Variants in CSMD3 observed in about 807,000 individuals in gnomAD.
CSMD3 encodes CUB and sushi domain-containing protein 3.
In CSMD3, 177 loss-of-function variants were observed where a neutral mutation model predicts 435.2. The ratio of observed to expected loss-of-function variants is 0.41; its 90% CI spans 0.36 to 0.46. The LOEUF (loss-of-function observed/expected upper bound fraction) is 0.46. CSMD3 is among the 20% of genes least tolerant of loss of function. The probability of loss-of-function intolerance (pLI) is 0.34; values close to 1 mark genes in which losing one functional copy is unlikely to be tolerated. For missense variants in CSMD3, 4,265 were observed against 4,504.6 expected, an observed-to-expected ratio of 0.95 and a Z score of 1.52; for synonymous variants, 1,656 against 1,520.5, an observed-to-expected ratio of 1.09 and a Z score of -2.07.
chr8:113,065,362 G>C (rs2088806862), intron 5 of CSMD3, among the ~76,000 whole-genome samples: 1 of 152,018 alleles, frequency 6.6e-6, no homozygotes, highest in Non-Finnish European at 1.5e-5. Context: ...GCAAGGCATG[G>C]GGAATAAAAC....
intron 3 of CSMD3, among the ~76,000 whole-genome samples, chr8:113,222,360 G>T (rs1189528595): frequency 6.6e-6 from 1 of 150,908 alleles, no homozygotes; most frequent in Non-Finnish European, 1.5e-5. Flanking sequence ...AAAAAGAAGA[G>T]TCTTTGTAAG....
At chr8:112,285,016 T>C (rs1819038629) in intron 58 of CSMD3, among the ~76,000 whole-genome samples, 1 of 152,062 alleles carries the variant, frequency 6.6e-6, no homozygotes, top group African/African-American at 2.4e-5. Context: ...TTTTTTTATT[T>C]CTGCTTTCTG....
intron 9 of CSMD3, among the ~76,000 whole-genome samples, chr8:112,934,957 G>T (rs1010881106): frequency 6.6e-6 from 1 of 151,910 alleles, no homozygotes; most frequent in Non-Finnish European, 1.5e-5. Flanking sequence ...TGCTTTTGGG[G>T]TCATATCAAA....
In CSMD3 at chr8:112,472,640, G is replaced by A. The variant is rs2130753974; in HGVS notation, c.5346C>T (p.Tyr1782=). ...TVLSPNYPKN[Y]SVGHNCVYSI... ...AATAAACACAATTATGTCCCACACT[G>A]TAATTTTTTGGATAGTTTGGTGATA... The change falls in exon 32 of 71, where the codon TAC becomes TAT. Residue 1782 remains tyrosine, a synonymous_variant. Coordinates refer to ENST00000297405, the MANE Select transcript of CSMD3 (RefSeq NM_198123.2). 1 of 1,611,058 alleles carries A rather than the reference G, an allele frequency of 6.2e-7. No individual in the cohort carries two copies. The highest frequency in any genetic ancestry group is 8.5e-7 in the Non-Finnish European group (1 of 1,177,472).
intron 4 of CSMD3, among the ~76,000 whole-genome samples, chr8:113,129,181 A>G (rs1252131508): frequency 2.0e-5 from 3 of 152,152 alleles, no homozygotes; most frequent in African/African-American, 7.2e-5. Flanking sequence ...CCCTTTTCAT[A>G]TTGTGAGCAT....
chr8:113,430,752 C>A (rs975887409), intron 1 of CSMD3, among the ~76,000 whole-genome samples: 3 of 152,130 alleles, frequency 2.0e-5, no homozygotes, highest in Non-Finnish European at 4.4e-5. Flanking sequence ...ACATAATCAC[C>A]ATTGTTATTT....
At chr8:112,996,604 T>C (rs1456560547) in intron 6 of CSMD3, among the ~76,000 whole-genome samples, 2 of 151,652 alleles carry the variant, frequency 1.3e-5, no homozygotes, top group Non-Finnish European at 3.0e-5. Context: ...TTGATATGGC[T>C]ATCACTTAGA....
chr8:113,195,836 CA>C (rs2092648517), intron 3 of CSMD3, among the ~76,000 whole-genome samples: 2 of 146,880 alleles, frequency 1.4e-5, no homozygotes, highest in Non-Finnish European at 3.0e-5. Context: ...CACACACACA[CA>C]CACCCCCACA....
chr8:112,246,989 G>T (rs1305769305), intron 64 of CSMD3, 31 bp downstream of exon 64: 1 of 1,427,214 alleles, frequency 7.0e-7, no homozygotes, highest in East Asian at 2.3e-5. Flanking sequence ...TCTTACCCAT[G>T]ATAGCATTAT....
intron 3 of CSMD3, among the ~76,000 whole-genome samples, chr8:113,228,529 T>A (rs377413682): frequency 4.6e-5 from 7 of 151,330 alleles, no homozygotes; most frequent in African/African-American, 7.3e-5. Context: ...CAGAATGCCA[T>A]GAAAAGGGAT....
At chr8:113,336,910 G>A (rs1406697567) in intron 1 of CSMD3, among the ~76,000 whole-genome samples, 2 of 152,100 alleles carry the variant, frequency 1.3e-5, no homozygotes, top group African/African-American at 4.8e-5. Flanking sequence ...CCTTCTTGTA[G>A]CCTGGTAAGC....
chr8:112,650,985 T>G (rs915815025), intron 18 of CSMD3, among the ~76,000 whole-genome samples: 3 of 152,216 alleles, frequency 2.0e-5, no homozygotes, highest in Non-Finnish European at 2.9e-5. Flanking sequence ...ACTGGATACT[T>G]CTGTGTTGTG....
chr8:112,241,854 ACACG>A (rs538732555), intron 65 of CSMD3, 69 bp from the exon 66 acceptor site: 15,291 of 689,660 alleles, frequency 0.022, 15 homozygotes, highest in East Asian at 0.054. Flanking sequence ...GCACACACAC[ACACG>A]CACACACACA....
chr8:112,747,464 A>G (rs563640562), intron 13 of CSMD3, among the ~76,000 whole-genome samples: 133 of 152,126 alleles, frequency 8.7e-4, no homozygotes, highest in Non-Finnish European at 1.4e-3. Context: ...GGCAAATACG[A>G]AAGTTACTTT....
chr8:112,390,528 A>G (rs1830318933), intron 36 of CSMD3, 136 bp downstream of exon 36: 1 of 744,380 alleles, frequency 1.3e-6, no homozygotes, highest in South Asian at 1.6e-5. Context: ...ATTAATAACA[A>G]ATATCTTTCT....
intron 32 of CSMD3, among the ~76,000 whole-genome samples, chr8:112,459,823 C>T (rs770375141): frequency 1.3e-5 from 2 of 152,114 alleles, no homozygotes; most frequent in Non-Finnish European, 2.9e-5. Flanking sequence ...TAGTACTTTG[C>T]TCTTCAACTA....
At chr8:113,171,155 T>C (rs1188217275) in intron 4 of CSMD3, among the ~76,000 whole-genome samples, 1 of 152,152 alleles carries the variant, frequency 6.6e-6, no homozygotes, top group Non-Finnish European at 1.5e-5. Flanking sequence ...AAAAGTTGGA[T>C]GATAGAGCTA....
chr8:112,511,337 C>T (rs551168293), intron 28 of CSMD3, among the ~76,000 whole-genome samples: 2 of 150,618 alleles, frequency 1.3e-5, no homozygotes, highest in Admixed American at 1.3e-4. Context: ...GCTAACTGAT[C>T]AGGGTGGTGG....
At chr8:112,477,759 A>G (rs189186713) in intron 31 of CSMD3, among the ~76,000 whole-genome samples, 41 of 152,300 alleles carry the variant, frequency 2.7e-4, no homozygotes, top group Admixed American at 2.7e-3. Context: ...AGCCAATTAA[A>G]TTTATTTTCT....
Sources: gnomAD v4.1 joint callset for allele counts (sites outside exome capture counted in the v4.1 genomes callset) on GRCh38, gnomAD v4.1.1 for gene constraint, MANE v1.5 for transcripts, NCBI Gene and HGNC (gene_info 2026-07-23, HGNC 2026-07-21) for gene names.